CDK5RAP2: variants seen among roughly 807,000 people sequenced by gnomAD.
The protein encoded by CDK5RAP2 is CDK5 regulatory subunit-associated protein 2.
In CDK5RAP2, 147 loss-of-function variants were observed where a neutral mutation model predicts 232.9. The ratio of observed to expected loss-of-function variants is 0.63; its 90% CI spans 0.55 to 0.72. The LOEUF is 0.72. Among genes scored for constraint, CDK5RAP2 ranks in the 30% least tolerant of loss-of-function variants. The pLI, the probability that CDK5RAP2 is intolerant of heterozygous loss-of-function variation, is 0.00. For missense variants in CDK5RAP2, 2,195 were observed against 2,231.5 expected (o/e 0.98, Z 0.33); for synonymous variants, 833 against 833.7 (o/e 1.00, Z 0.01).
At chr9:120,517,515 T>A (rs568922416) in intron 12 of CDK5RAP2, among the ~76,000 whole-genome samples, 1 of 152,318 alleles carries the variant, frequency 6.6e-6, no homozygotes, top group South Asian at 2.1e-4. Flanking sequence ...AGGCTACGTA[T>A]CTGGATGTGA....
At chr9:120,531,992 C>A (rs950239855) in intron 7 of CDK5RAP2, among the ~76,000 whole-genome samples, 5 of 151,774 alleles carry the variant, frequency 3.3e-5, no homozygotes, top group African/African-American at 1.2e-4. Flanking sequence ...AATTTATACA[C>A]CAATAAAACT....
intron 28 of CDK5RAP2, among the ~76,000 whole-genome samples, chr9:120,412,856 C>G (rs937946054): frequency 6.6e-6 from 1 of 152,138 alleles, no homozygotes; most frequent in Non-Finnish European, 1.5e-5. Context: ...ATTCACTTAC[C>G]GCAAGGTTAT....
intron 12 of CDK5RAP2, among the ~76,000 whole-genome samples, chr9:120,500,520 A>C (rs1472085451): frequency 1.3e-5 from 2 of 152,238 alleles, no homozygotes; most frequent in Admixed American, 6.5e-5. Flanking sequence ...AAGGTTCTTC[A>C]CAAGTGTTTG....
chr9:120,458,085 G>A (rs1219042903), intron 20 of CDK5RAP2, among the ~76,000 whole-genome samples: 1 of 152,174 alleles, frequency 6.6e-6, no homozygotes, highest in African/African-American at 2.4e-5. Flanking sequence ...AGCAAAAACA[G>A]CAGAATCACA....
Position 120,477,419 on chromosome 9 carries a change from A to G in CDK5RAP2, c.1658T>C (p.Leu553Pro), listed in dbSNP as rs1349660207. The change falls in exon 15 of 38, where the codon CTG becomes CCG. Residue 553 changes from leucine to proline, a missense_variant. Physicochemically the swap from Leu to Pro is moderately conservative, Grantham distance 98 (BLOSUM62 -3). Transcript: ENST00000349780. ...EKKQSSDYEE[L>P]IQVLKKEQDI... ...CTGCTCTTTCTTTAAGACCTGAATC[A>G]GCTCTTCATAGTCTGATGATTGTTT... is the stretch of plus-strand genomic sequence containing the variant. The G allele has an allele frequency of 1.2e-6, 2 of 1,613,808 alleles. No individual in the cohort carries two copies. Among genetic ancestry groups the G allele is most frequent in the Admixed American group, 3.3e-5 (2 of 60,032 alleles).
intron 12 of CDK5RAP2, among the ~76,000 whole-genome samples, chr9:120,513,023 T>A (rs143130550): frequency 6.6e-6 from 1 of 152,286 alleles, no homozygotes; most frequent in East Asian, 1.9e-4. Context: ...GTTTTCTTTA[T>A]CCTACCTGTG....
chr9:120,494,090 TAAAAAAA>T (rs532352159), intron 12 of CDK5RAP2, among the ~76,000 whole-genome samples: 6 of 119,270 alleles, frequency 5.0e-5, no homozygotes, highest in African/African-American at 9.3e-5. Context: ...AGACTCAGTT[TAAAAAAA>T]AAAAAAAAAA....
intron 36 of CDK5RAP2, chr9:120,390,043 C>T (rs2131180765): frequency 2.0e-6 from 1 of 508,672 alleles, no homozygotes; most frequent in Non-Finnish European, 3.6e-6. Context: ...GCAGAGGCTA[C>T]AGCATGCTAT....
chr9:120,489,190 T>G (rs1467943811), intron 13 of CDK5RAP2, among the ~76,000 whole-genome samples: 1 of 152,246 alleles, frequency 6.6e-6, no homozygotes, highest in Non-Finnish European at 1.5e-5. Context: ...GTTTCCAATG[T>G]TGCTGCTGAG....
Position 120,466,990 on chromosome 9 carries a change from G to A in CDK5RAP2, c.2106+870C>T, listed in dbSNP as rs1457905695. Among the ~76,000 whole-genome samples, 9 of 152,286 alleles carry A rather than the reference G, an allele frequency of 5.9e-5. No individual in the cohort carries two copies. The East Asian group carries it at 7.7e-4, about 13-fold the overall frequency. The stretch of plus-strand genomic sequence containing the variant: ...CATGGGAGAGCAGTTCTGGTCTTCC[G>A]AAACAATGCTAACATGCGCATGAAG... On this transcript the variant is annotated intron_variant, in intron 18 of 37. Transcript: ENST00000349780.
At chr9:120,467,030 CGA>C (rs910868327) in intron 18 of CDK5RAP2, among the ~76,000 whole-genome samples, 3 of 152,254 alleles carry the variant, frequency 2.0e-5, no homozygotes, top group East Asian at 3.9e-4. Context: ...GTGCTTCCTA[CGA>C]GAGAGTCAGG....
intron 12 of CDK5RAP2, chr9:120,517,858 A>C: frequency 2.6e-6 from 1 of 385,122 alleles, no homozygotes; most frequent in Non-Finnish European, 5.2e-6. Context: ...CCAGGAGTTC[A>C]GGAACAGCCC....
chr9:120,432,561 C>T (rs573667133), intron 25 of CDK5RAP2, among the ~76,000 whole-genome samples: 12 of 152,190 alleles, frequency 7.9e-5, no homozygotes, highest in Non-Finnish European at 1.5e-4. Flanking sequence ...GAAAGAGCTA[C>T]CTCTGTGTTA....
At chr9:120,438,064 T>A (rs962256952) in intron 24 of CDK5RAP2, among the ~76,000 whole-genome samples, 1 of 152,326 alleles carries the variant, frequency 6.6e-6, no homozygotes, top group African/African-American at 2.4e-5. Flanking sequence ...AACAAATGTA[T>A]AAATGTCCCC....
chr9:120,577,721 C>A (rs1474664011), intron 1 of CDK5RAP2, among the ~76,000 whole-genome samples: 1 of 152,058 alleles, frequency 6.6e-6, no homozygotes, highest in Non-Finnish European at 1.5e-5. Context: ...GGCTTTATAC[C>A]AACCCCTTTT....
intron 13 of CDK5RAP2, among the ~76,000 whole-genome samples, chr9:120,489,894 G>A (rs2038809056): frequency 2.0e-5 from 3 of 150,520 alleles, no homozygotes; most frequent in Admixed American, 6.6e-5. Flanking sequence ...CGCAACCTCT[G>A]CCTCCCGGGT....
intron 35 of CDK5RAP2, 39 bp downstream of exon 35, chr9:120,400,703 T>G (rs747770205): frequency 8.4e-5 from 135 of 1,611,162 alleles, no homozygotes; most frequent in Non-Finnish European, 1.1e-4. Context: ...CAGGCCCCAG[T>G]GGCATCCTTG....
chr9:120,447,568 C>A (rs928494114), intron 22 of CDK5RAP2, among the ~76,000 whole-genome samples: 14 of 152,316 alleles, frequency 9.2e-5, no homozygotes, highest in African/African-American at 3.1e-4. Flanking sequence ...ACCTCTGATG[C>A]CACACGCCAG....
At chr9:120,389,720 G>A (rs1013520674) in intron 37 of CDK5RAP2, 21 bp downstream of exon 37, 2 of 1,613,008 alleles carry the variant, frequency 1.2e-6, no homozygotes, top group African/African-American at 1.3e-5. Flanking sequence ...GGCCTGCAGT[G>A]AAAAGACTCA....
Sources: gnomAD v4.1 joint callset for allele counts (sites outside exome capture counted in the v4.1 genomes callset) on GRCh38, gnomAD v4.1.1 for gene constraint, MANE v1.5 for transcripts, NCBI Gene and HGNC (gene_info 2026-07-23, HGNC 2026-07-21) for gene names.